Variants in DPEP1 observed in about 807,000 individuals in gnomAD.
DPEP1 encodes the protein beta-lactamase.
DPEP1 carries 50 observed loss-of-function variants against 42.3 expected under a neutral mutation model. The observed-to-expected ratio is 1.18, with a 90% CI of 0.94 to 1.50. DPEP1 has a LOEUF of 1.50. Among genes scored for constraint, DPEP1 ranks in the 40% most tolerant of loss-of-function variants. The pLI, the probability that DPEP1 is intolerant of heterozygous loss-of-function variation, is 0.00. For missense variants in DPEP1, 663 were observed against 553.0 expected, an observed-to-expected ratio of 1.20 and a Z score of -1.99; for synonymous variants, 297 against 234.0, an observed-to-expected ratio of 1.27 and a Z score of -2.46.
At chr16:89,622,385 C>T (rs1374408918) in intron 1 of DPEP1, among the ~76,000 whole-genome samples, 2 of 152,268 alleles carry the variant, frequency 1.3e-5, no homozygotes, top group East Asian at 1.9e-4. Context: ...GAACCTTTCC[C>T]ACCGCAACTC....
intron 1 of DPEP1, among the ~76,000 whole-genome samples, chr16:89,615,865 C>T (rs982026978): frequency 6.6e-6 from 1 of 152,126 alleles, no homozygotes; most frequent in African/African-American, 2.4e-5. Flanking sequence ...GGAGACCAAG[C>T]ACCAAGGCCC....
chr16:89,634,527 TCC>T, intron 2 of DPEP1, among the ~76,000 whole-genome samples: 1 of 144,640 alleles, frequency 6.9e-6, no homozygotes, highest in Non-Finnish European at 1.5e-5. Context: ...TCCTCTGCGT[TCC>T]CCTTCCTTCT....
intron 1 of DPEP1, among the ~76,000 whole-genome samples, chr16:89,626,070 C>T (rs890384206): frequency 1.3e-5 from 2 of 152,186 alleles, no homozygotes; most frequent in Non-Finnish European, 2.9e-5. Context: ...CCTCTACCTG[C>T]CCCCCGTCCT....
intron 3 of DPEP1, 36 bp from the exon 4 acceptor site, chr16:89,636,228 G>C: frequency 6.3e-7 from 1 of 1,586,116 alleles, no homozygotes; most frequent in Non-Finnish European, 8.6e-7. Flanking sequence ...CTGAGACCTG[G>C]CTGCATCAGC....
At chr16:89,617,277 G>T (rs2059387817) in intron 1 of DPEP1, among the ~76,000 whole-genome samples, 1 of 152,164 alleles carries the variant, frequency 6.6e-6, no homozygotes. Flanking sequence ...TCACGGCTGA[G>T]CTGGGTGGAG....
chr16:89,634,302 T>A (rs1042083261), intron 2 of DPEP1, among the ~76,000 whole-genome samples: 2 of 152,114 alleles, frequency 1.3e-5, no homozygotes, highest in African/African-American at 4.8e-5. Context: ...TTAGCCAGGA[T>A]GATCTCGATC....
At chr16:89,616,658 AGCGCAGATTGGGACG>A (rs2151475782) in intron 1 of DPEP1, among the ~76,000 whole-genome samples, 1 of 152,324 alleles carries the variant, frequency 6.6e-6, no homozygotes, top group African/African-American at 2.4e-5. Context: ...AATTCAAAGT[AGCGCAGATTGGGACG>A]GCTGGGCCTT....
At chr16:89,636,715 T>G (rs775708280) in intron 5 of DPEP1, 32 bp downstream of exon 5, 2 of 1,610,418 alleles carry the variant, frequency 1.2e-6, no homozygotes, top group East Asian at 4.5e-5. Flanking sequence ...GCCCCCGGGC[T>G]GTGGTCAGGA....
rs930698755 is a variant in DPEP1 at position 89,627,954 on chromosome 16, G to A, written c.-106-2351G>A. On this transcript the variant is annotated intron_variant, in intron 1 of 10. Transcript: ENST00000690203. The stretch of plus-strand genomic sequence containing the variant: ...TTGTTTGTTTTTGAGACGGAGTCTC[G>A]CTCTTTCGCCCAGGCGGGAGTGCAG... Among the ~76,000 whole-genome samples, 7 of 152,046 alleles carry A rather than the reference G, an allele frequency of 4.6e-5. No homozygotes were observed. In the East Asian group the frequency reaches 5.8e-4, roughly 13 times the overall value.
chr16:89,641,000 G>T (rs2059738935), downstream of DPEP1, among the ~76,000 whole-genome samples: 1 of 152,200 alleles, frequency 6.6e-6, no homozygotes. Flanking sequence ...CACTGGACAG[G>T]GGGCCCTTCC....
At chr16:89,635,360 G>C (rs1259514392) in intron 2 of DPEP1, among the ~76,000 whole-genome samples, 1 of 152,200 alleles carries the variant, frequency 6.6e-6, no homozygotes, top group African/African-American at 2.4e-5. Flanking sequence ...CCTGGGGACA[G>C]AGGCAGCAGA....
At position 89,614,578 on chromosome 16, in the gene DPEP1, A is replaced by G. The variant is rs767882487; in HGVS notation, c.-107+859A>G. The stretch of plus-strand genomic sequence containing the variant: ...GGGAGGCCGAGGTGGGCAGATCATG[A>G]GGTCAGGAGATCGAGACCATCCTGG... On this transcript the variant is annotated intron_variant, in intron 1 of 10. Coordinates refer to ENST00000690203, the MANE Select transcript of DPEP1 (RefSeq NM_001389466.1). Among the ~76,000 whole-genome samples, 155 of 152,240 alleles carry G rather than the reference A, an allele frequency of 1.0e-3. 2 individuals carry two copies. Among genetic ancestry groups the G allele is most frequent in the Non-Finnish European group, 1.8e-3 (123 of 68,010 alleles).
chr16:89,641,533 C>A (rs1397992391), downstream of DPEP1, among the ~76,000 whole-genome samples: 2 of 152,184 alleles, frequency 1.3e-5, no homozygotes, highest in East Asian at 3.8e-4. Context: ...AGTAATGCCA[C>A]AAACTGATGA....
chr16:89,625,352 C>T (rs1219196970), intron 1 of DPEP1, among the ~76,000 whole-genome samples: 1 of 152,116 alleles, frequency 6.6e-6, no homozygotes, highest in Admixed American at 6.6e-5. Flanking sequence ...GTACCAGGCT[C>T]GTTTTAACCG....
chr16:89,628,333 T>C (rs1373117090), intron 1 of DPEP1, among the ~76,000 whole-genome samples: 2 of 147,850 alleles, frequency 1.4e-5, no homozygotes, highest in Non-Finnish European at 3.0e-5. Context: ...TCACAGCTCA[T>C]GGCATCCTCC....
Position 89,637,721 on chromosome 16 carries a change from A to C in DPEP1, c.929+14A>C. 3.1e-6 allele frequency: 5 copies of C among 1,612,956 alleles called. No individual in the cohort carries two copies. Among genetic ancestry groups the C allele is most frequent in the Non-Finnish European group, 4.2e-6 (5 of 1,179,944 alleles). ...TGGTGTTCCAAGGTAAGGGGCTGAG[A>C]GCTCTGTCCTGTGGATGAGCCGGGA... On this transcript the variant is annotated intron_variant, in intron 9 of 10. Coordinates refer to ENST00000690203, the MANE Select transcript of DPEP1 (RefSeq NM_001389466.1).
intron 2 of DPEP1, among the ~76,000 whole-genome samples, chr16:89,632,295 C>T (rs972999222): frequency 8.5e-5 from 13 of 152,130 alleles, no homozygotes; most frequent in African/African-American, 2.9e-4. Context: ...TCAGGTGATC[C>T]GCCCGCCTCG....
intron 2 of DPEP1, among the ~76,000 whole-genome samples, chr16:89,632,549 AGT>A (rs1387808959): frequency 6.6e-6 from 1 of 152,166 alleles, no homozygotes; most frequent in African/African-American, 2.4e-5. Context: ...CAGCTGCCTG[AGT>A]GTGTGCTTGC....
chr16:89,628,294 G>A (rs1206519497), intron 1 of DPEP1, among the ~76,000 whole-genome samples: 1 of 100,958 alleles, frequency 9.9e-6, no homozygotes, highest in African/African-American at 3.7e-5. Context: ...ATTTACTCTT[G>A]TCGCCCAGGC....
Sources: gnomAD v4.1 joint callset for allele counts (sites outside exome capture counted in the v4.1 genomes callset) on GRCh38, gnomAD v4.1.1 for gene constraint, MANE v1.5 for transcripts, NCBI Gene and HGNC (gene_info 2026-07-23, HGNC 2026-07-21) for gene names.